The following ESYT2 variants were observed in gnomAD, a reference collection of about 807,000 sequenced individuals.
The protein encoded by ESYT2 is extended synaptotagmin-2.
ESYT2 carries 54 observed loss-of-function variants against 107.2 expected under a neutral mutation model. The ratio of observed to expected loss-of-function variants is 0.50; its 90% CI spans 0.40 to 0.63. ESYT2 has a LOEUF of 0.63. Ranked by LOEUF, ESYT2 falls within the 30% of genes least tolerant of loss-of-function variation. The probability of loss-of-function intolerance (pLI) is 0.00; values close to 1 mark genes in which losing one functional copy is unlikely to be tolerated. For missense variants in ESYT2, 1,020 were observed against 1,094.5 expected (o/e 0.93, Z 0.96); for synonymous variants, 491 against 434.1 (o/e 1.13, Z -1.63).
chr7:158,762,157 C>A (rs968273278), intron 10 of ESYT2, among the ~76,000 whole-genome samples: 4 of 152,242 alleles, frequency 2.6e-5, no homozygotes, highest in Non-Finnish European at 5.9e-5. Flanking sequence ...CCCCCAGACG[C>A]CAGATACAAC....
intron 1 of ESYT2, among the ~76,000 whole-genome samples, chr7:158,814,896 T>C (rs2129474088): frequency 6.6e-6 from 1 of 152,176 alleles, no homozygotes; most frequent in East Asian, 1.9e-4. Context: ...AATGACTAGA[T>C]TAGATGGTGC....
intron 6 of ESYT2, among the ~76,000 whole-genome samples, chr7:158,782,740 T>C (rs1372566367): frequency 6.6e-6 from 1 of 151,780 alleles, no homozygotes; most frequent in Non-Finnish European, 1.5e-5. Context: ...GTATGGAAGC[T>C]CAAGCATGTG....
At chr7:158,749,556 T>A (rs983340285) in intron 15 of ESYT2, 93 bp downstream of exon 15, 1 of 1,168,668 alleles carries the variant, frequency 8.6e-7, no homozygotes, top group Non-Finnish European at 1.3e-6. Context: ...CACAACTGAA[T>A]GTATTTGCAA....
chr7:158,821,814 C>T (rs187469948), intron 1 of ESYT2, among the ~76,000 whole-genome samples: 1 of 152,356 alleles, frequency 6.6e-6, no homozygotes, highest in Admixed American at 6.5e-5. Flanking sequence ...TCTGCCTTTG[C>T]AACTGTCCTC....
intron 1 of ESYT2, among the ~76,000 whole-genome samples, chr7:158,821,420 T>C (rs1010351276): frequency 6.6e-6 from 1 of 152,260 alleles, no homozygotes; most frequent in South Asian, 2.1e-4. Context: ...GTGAGTTTTC[T>C]GGTAGCTACA....
At chr7:158,781,913 G>A (rs899845141) in intron 6 of ESYT2, among the ~76,000 whole-genome samples, 6 of 150,850 alleles carry the variant, frequency 4.0e-5, no homozygotes, top group Non-Finnish European at 5.9e-5. Context: ...GTGAACGACA[G>A]AACAAAGTGT....
chr7:158,813,139 C>T (rs1489708893), intron 1 of ESYT2, among the ~76,000 whole-genome samples: 2 of 152,112 alleles, frequency 1.3e-5, no homozygotes, highest in Middle Eastern at 3.2e-3. Context: ...ACAGAAGAAC[C>T]TAAAATGCAT....
Position 158,739,061 on chromosome 7 carries a change from C to T in ESYT2, c.2229G>A (p.Ser743=), listed in dbSNP as rs61747457. Residue 743 remains serine (S), a synonymous_variant, in exon 19 of 23, where the codon TCG becomes TCA. Transcript: ENST00000275418. Reference sequence around the variant, plus strand: ...CGACCACGATAAGCTTGTTTCTCTGCGAGCTGTGCCGGATGGTCAGCTGGA... The same window carrying T: ...CGACCACGATAAGCTTGTTTCTCTGTGAGCTGTGCCGGATGGTCAGCTGGA... ...GQIQLTIRHS[S]QRNKLIVVVH... 0.021 allele frequency: 33,313 copies of T among 1,614,088 alleles called. 439 individuals are homozygous for T. The highest frequency in any genetic ancestry group is 0.025 in the Non-Finnish European group (29,196 of 1,179,966).
At chr7:158,748,933 A>G (rs1257113804) in intron 15 of ESYT2, among the ~76,000 whole-genome samples, 1 of 151,796 alleles carries the variant, frequency 6.6e-6, no homozygotes, top group Admixed American at 6.6e-5. Context: ...AGCAATATGT[A>G]ATAGCCATAC....
At chr7:158,756,445 T>C (rs1587395356) in intron 13 of ESYT2, among the ~76,000 whole-genome samples, 1 of 152,220 alleles carries the variant, frequency 6.6e-6, no homozygotes, top group Non-Finnish European at 1.5e-5. Flanking sequence ...TAATATACTT[T>C]TCTTCTCCCT....
At chr7:158,814,341 AT>A (rs1840087885) in intron 1 of ESYT2, among the ~76,000 whole-genome samples, 1 of 4,754 alleles carries the variant, frequency 2.1e-4, no homozygotes, top group East Asian at 1.7e-3. Flanking sequence ...ATATATATAT[AT>A]ATATGAAATA....
intron 1 of ESYT2, among the ~76,000 whole-genome samples, chr7:158,826,326 C>G (rs1376161920): frequency 6.6e-6 from 1 of 152,112 alleles, no homozygotes; most frequent in Non-Finnish European, 1.5e-5. Context: ...CTTCAAGAAG[C>G]GTCTTAAGCA....
At chr7:158,752,636 G>T (rs1057179581) in intron 14 of ESYT2, 145 bp downstream of exon 14, 5 of 381,066 alleles carry the variant, frequency 1.3e-5, no homozygotes, top group African/African-American at 6.3e-5. Context: ...CTAATTATTG[G>T]ATAACAAAAG....
intron 1 of ESYT2, among the ~76,000 whole-genome samples, chr7:158,799,842 A>C (rs1839578881): frequency 6.6e-6 from 1 of 151,850 alleles, no homozygotes; most frequent in South Asian, 2.1e-4. Flanking sequence ...AAAGAAACCT[A>C]TTTAGGGCCA....
At chr7:158,753,617 T>C (rs1485499976) in intron 13 of ESYT2, among the ~76,000 whole-genome samples, 2 of 150,652 alleles carry the variant, frequency 1.3e-5, no homozygotes, top group Non-Finnish European at 3.0e-5. Context: ...TTTTTTTTTT[T>C]TTGCTAAGCA....
At chr7:158,787,052 G>A (rs1384903836) in intron 6 of ESYT2, among the ~76,000 whole-genome samples, 2 of 152,176 alleles carry the variant, frequency 1.3e-5, no homozygotes, top group Non-Finnish European at 1.5e-5. Context: ...TATGGGCAGT[G>A]TGCACCTGGA....
At position 158,764,782 on chromosome 7, in the gene ESYT2, G is replaced by A. The variant is rs751009867; in HGVS notation, c.996C>T (p.Val332=). ...TTCCATAGGGGTCTGACTTTCCCTT[G>A]ACAAGTCCCTTAAGGTAAGTGTCTT... ...QGKDTYLKGL[V]KGKSDPYGII... The change falls in exon 9 of 23, where the codon GTC becomes GTT. Residue 332 remains valine, a synonymous_variant. Transcript: ENST00000275418. 8 of 1,614,038 alleles carry A rather than the reference G, an allele frequency of 5.0e-6. No homozygotes were observed. The African/African-American group carries it at 1.1e-4, about 22-fold the overall frequency.
At chr7:158,781,689 A>C (rs1838823622) in intron 6 of ESYT2, among the ~76,000 whole-genome samples, 1 of 151,870 alleles carries the variant, frequency 6.6e-6, no homozygotes, top group Admixed American at 6.6e-5. Flanking sequence ...GACTGAGAAC[A>C]AAGTGTCAGA....
At chr7:158,799,186 T>A in intron 1 of ESYT2, 114 bp from the exon 2 acceptor site, 1 of 909,122 alleles carries the variant, frequency 1.1e-6, no homozygotes, top group South Asian at 1.6e-5. Flanking sequence ...GATGCTTCTT[T>A]AAAACACTCT....
Sources: allele counts gnomAD v4.1 joint callset (sites outside exome capture counted in the v4.1 genomes callset), GRCh38; gene constraint gnomAD v4.1.1; transcripts MANE v1.5; gene names NCBI Gene and HGNC (gene_info 2026-07-23, HGNC 2026-07-21).